Variants in CASD1 observed in about 807,000 individuals in gnomAD.
The protein encoded by CASD1 is N-acetylneuraminate (7)9-O-acetyltransferase.
Under a neutral mutation model 100.0 loss-of-function variants are expected in CASD1, and 41 were observed. The observed-to-expected ratio is 0.41, with a 90% CI of 0.32 to 0.53. CASD1 has a LOEUF of 0.53. Ranked by LOEUF, CASD1 falls within the 20% of genes least tolerant of loss-of-function variation. CASD1 has a pLI of 0.25. For missense variants in CASD1, 774 were observed against 948.7 expected, an observed-to-expected ratio of 0.82 and a Z score of 2.42; for synonymous variants, 321 against 315.6, an observed-to-expected ratio of 1.02 and a Z score of -0.18.
the CASD1 span, chr7:94,600,794 C>G: frequency 3.1e-6 from 5 of 1,613,388 alleles, no homozygotes; most frequent in Non-Finnish European, 4.2e-6. Flanking sequence ...TCTCCACCAT[C>G]AGGTAAAATC....
chr7:94,525,144 G>C (rs527580227), intron 3 of CASD1, among the ~76,000 whole-genome samples: 14 of 152,134 alleles, frequency 9.2e-5, no homozygotes, highest in Non-Finnish European at 1.8e-4. Context: ...TGTAGAGAGG[G>C]AGAAAGGTAA....
At chr7:94,522,150 T>G (rs1435290827) in intron 3 of CASD1, among the ~76,000 whole-genome samples, 1 of 152,216 alleles carries the variant, frequency 6.6e-6, no homozygotes, top group Non-Finnish European at 1.5e-5. Context: ...CCTAAACTTG[T>G]GAGCTAAACA....
chr7:94,588,106 T>G, the CASD1 span: 2 of 1,180,900 alleles, frequency 1.7e-6, no homozygotes, highest in South Asian at 3.3e-5. Context: ...AATGAAATAA[T>G]TGGCTGTGGA....
At chr7:94,610,769 G>A in the CASD1 span, among the ~76,000 whole-genome samples, 15 of 152,110 alleles carry the variant, frequency 9.9e-5, no homozygotes, top group Non-Finnish European at 5.9e-5. Context: ...TAAAGGACTT[G>A]TATATAGAAC....
chr7:94,564,408 A>G, the CASD1 span, among the ~76,000 whole-genome samples: 1 of 152,152 alleles, frequency 6.6e-6, no homozygotes, highest in Non-Finnish European at 1.5e-5. Flanking sequence ...AATACCTTCC[A>G]TCACCCCTGG....
At chr7:94,518,348 T>A (rs201534359) in intron 3 of CASD1, 25 bp downstream of exon 3, 2 of 1,538,412 alleles carry the variant, frequency 1.3e-6, no homozygotes, top group Admixed American at 2.0e-5. Context: ...TTCCCTTCTG[T>A]AGAGTGTTTT....
At chr7:94,536,575 C>T in intron 8 of CASD1, among the ~76,000 whole-genome samples, 1 of 152,066 alleles carries the variant, frequency 6.6e-6, no homozygotes, top group East Asian at 1.9e-4. Context: ...TTGATGAACC[C>T]CCTAAAAACT....
At chr7:94,572,397 G>GT in the CASD1 span, among the ~76,000 whole-genome samples, 1 of 152,080 alleles carries the variant, frequency 6.6e-6, no homozygotes, top group Admixed American at 6.6e-5. Flanking sequence ...GTTGGATTAT[G>GT]TTTTTTTGTT....
At chr7:94,602,774 ATAT>A in the CASD1 span, among the ~76,000 whole-genome samples, 2 of 152,162 alleles carry the variant, frequency 1.3e-5, no homozygotes, top group African/African-American at 2.4e-5. Flanking sequence ...TTGGAAAGAA[ATAT>A]TATGTTTATG....
chr7:94,562,945 A>G, the CASD1 span, among the ~76,000 whole-genome samples: 2 of 151,988 alleles, frequency 1.3e-5, no homozygotes, highest in African/African-American at 2.4e-5. Context: ...AAATTCCTGT[A>G]TTTTACAGCT....
chr7:94,511,512 G>C (rs1340299335), intron 1 of CASD1, among the ~76,000 whole-genome samples: 1 of 151,820 alleles, frequency 6.6e-6, no homozygotes, highest in Admixed American at 6.6e-5. Flanking sequence ...CCTCTCTCCA[G>C]CTCTCTCCAG....
chr7:94,606,691 A>G, the CASD1 span, among the ~76,000 whole-genome samples: 2 of 152,186 alleles, frequency 1.3e-5, no homozygotes, highest in African/African-American at 2.4e-5. Flanking sequence ...TTAAGTACAC[A>G]TGAAACATTT....
At position 94,547,191 on chromosome 7, in the gene CASD1, T is replaced by A; in HGVS notation, c.1713+16T>A. ...ATATTCTCAGGTTTGTACAATCTTT[T>A]CAGTTTATATTTTTTCATATTTTAT... is the stretch of plus-strand genomic sequence containing the variant. On this transcript the variant is annotated intron_variant, in intron 13 of 17. Coordinates refer to ENST00000297273, the MANE Select transcript of CASD1 (RefSeq NM_022900.5). The A allele has an allele frequency of 6.6e-7, 1 of 1,505,712 alleles. No individual in the cohort carries two copies. Among genetic ancestry groups the A allele is most frequent in the East Asian group, 2.3e-5 (1 of 43,428 alleles). The allele number at this position is 1,505,712 out of a possible 1,614,324, so 93.3% of individuals were successfully genotyped here.
the CASD1 span, chr7:94,625,497 C>T: frequency 1.3e-5 from 2 of 152,008 alleles, no homozygotes; most frequent in Non-Finnish European, 2.9e-5. Flanking sequence ...AGCCTAAGCC[C>T]TTACCTCTCC....
chr7:94,628,467 G>A, the CASD1 span: 1 of 893,506 alleles, frequency 1.1e-6, no homozygotes, highest in Non-Finnish European at 1.8e-6. Context: ...TACATTTGTA[G>A]CCAACTAAAT....
the CASD1 span, among the ~76,000 whole-genome samples, chr7:94,593,514 T>C: frequency 6.6e-6 from 1 of 151,982 alleles, no homozygotes; most frequent in African/African-American, 2.4e-5. Context: ...AAATTATTTT[T>C]TAGAAAATCA....
At chr7:94,599,732 A>C in the CASD1 span, 1 of 1,579,434 alleles carries the variant, frequency 6.3e-7, no homozygotes, top group Admixed American at 1.7e-5. Context: ...CCCTAGAAAC[A>C]AAACAAAATT....
At chr7:94,565,508 A>G in the CASD1 span, among the ~76,000 whole-genome samples, 1 of 152,166 alleles carries the variant, frequency 6.6e-6, no homozygotes, top group African/African-American at 2.4e-5. Context: ...CAGTCATACA[A>G]GTGAGCAATA....
chr7:94,510,845 A>G (rs1422911526), intron 1 of CASD1, among the ~76,000 whole-genome samples: 1 of 152,240 alleles, frequency 6.6e-6, no homozygotes, highest in Non-Finnish European at 1.5e-5. Context: ...GTGATGCAGA[A>G]ACGTTTAAAG....
Sources: allele counts gnomAD v4.1 joint callset (sites outside exome capture counted in the v4.1 genomes callset), GRCh38; gene constraint gnomAD v4.1.1; transcripts MANE v1.5; gene names NCBI Gene and HGNC (gene_info 2026-07-23, HGNC 2026-07-21).